The following HTR7 variants were observed in gnomAD, a reference collection of about 807,000 sequenced individuals.
HTR7 encodes 5-HT-7.
HTR7 carries 16 observed loss-of-function variants against 34.0 expected under a neutral mutation model. The observed-to-expected ratio is 0.47, with a 90% confidence interval of 0.32 to 0.71. The LOEUF is 0.71. Among genes scored for constraint, HTR7 ranks in the 30% least tolerant of loss-of-function variants. The pLI is 0.04. For synonymous variants in HTR7, 265 were observed against 260.2 expected, an observed-to-expected ratio of 1.02 and a Z score of -0.18; for missense variants, 504 against 625.5, an observed-to-expected ratio of 0.81 and a Z score of 2.07.
chr10:90,775,066 A>C (rs1845184826), intron 1 of HTR7, among the ~76,000 whole-genome samples: 2 of 152,226 alleles, frequency 1.3e-5, no homozygotes, highest in South Asian at 2.1e-4. Context: ...GAAGAAAATT[A>C]AAGTTACCCA....
At chr10:90,853,207 A>G (rs1312511357) in intron 1 of HTR7, among the ~76,000 whole-genome samples, 1 of 151,940 alleles carries the variant, frequency 6.6e-6, no homozygotes, top group Non-Finnish European at 1.5e-5. Context: ...TCTTTCTACA[A>G]GCTTCCCTAA....
At chr10:90,808,938 G>A (rs185650479) in intron 1 of HTR7, among the ~76,000 whole-genome samples, 2 of 152,240 alleles carry the variant, frequency 1.3e-5, no homozygotes, top group Admixed American at 6.5e-5. Context: ...GGTCTGAGGT[G>A]CCTGACGTCC....
intron 1 of HTR7, among the ~76,000 whole-genome samples, chr10:90,751,981 C>A (rs981015610): frequency 6.6e-6 from 1 of 152,158 alleles, no homozygotes; most frequent in Non-Finnish European, 1.5e-5. Flanking sequence ...CATTCTAGTA[C>A]ACTTAGGCTG....
intron 1 of HTR7, among the ~76,000 whole-genome samples, chr10:90,852,334 T>G (rs1846514354): frequency 6.6e-6 from 1 of 152,132 alleles, no homozygotes; most frequent in Non-Finnish European, 1.5e-5. Flanking sequence ...GATAAACATG[T>G]AAGCAAAGAA....
chr10:90,831,663 G>A (rs546365197), intron 1 of HTR7, among the ~76,000 whole-genome samples: 178 of 152,144 alleles, frequency 1.2e-3, no homozygotes, highest in Non-Finnish European at 2.3e-3. Flanking sequence ...ACAGAGAGCC[G>A]ATTGGTCTGT....
At chr10:90,837,158 TAGA>T (rs1351623691) in intron 1 of HTR7, among the ~76,000 whole-genome samples, 1 of 152,222 alleles carries the variant, frequency 6.6e-6, no homozygotes, top group Non-Finnish European at 1.5e-5. Context: ...GCACGGCCTG[TAGA>T]AGATTAATCA....
chr10:90,771,820 G>T (rs1845118052), intron 1 of HTR7, among the ~76,000 whole-genome samples: 1 of 152,068 alleles, frequency 6.6e-6, no homozygotes, highest in African/African-American at 2.4e-5. Flanking sequence ...AAGAACAGCA[G>T]CCCCAAGCAA....
chr10:90,815,970 A>C (rs1845892992), intron 1 of HTR7, among the ~76,000 whole-genome samples: 1 of 152,204 alleles, frequency 6.6e-6, no homozygotes, highest in South Asian at 2.1e-4. Context: ...CATTAAGTGA[A>C]GCTATCCCTA....
At chr10:90,760,705 C>T (rs1192331323) in intron 1 of HTR7, among the ~76,000 whole-genome samples, 2 of 152,038 alleles carry the variant, frequency 1.3e-5, no homozygotes, top group African/African-American at 4.8e-5. Context: ...CATGGTGAAA[C>T]CCCATCTGTA....
At chr10:90,853,833 G>C (rs753677218) in intron 1 of HTR7, among the ~76,000 whole-genome samples, 4 of 152,146 alleles carry the variant, frequency 2.6e-5, no homozygotes, top group Admixed American at 6.5e-5. Flanking sequence ...GGAATAGCTC[G>C]GGGCTGGACA....
intron 1 of HTR7, among the ~76,000 whole-genome samples, chr10:90,759,211 A>AT (rs144849593): frequency 0.23 from 34,201 of 150,180 alleles, 4,222 homozygotes; most frequent in African/African-American, 0.31. Flanking sequence ...AAAAAGTGAA[A>AT]TAGCATTATG....
At chr10:90,744,009 T>C in intron 2 of HTR7, 2 of 498,164 alleles carry the variant, frequency 4.0e-6, no homozygotes, top group Non-Finnish European at 7.9e-6. Flanking sequence ...TCTTACAGGT[T>C]TGTACAGGAA....
chr10:90,845,385 A>G (rs954954917), intron 1 of HTR7, among the ~76,000 whole-genome samples: 11 of 152,208 alleles, frequency 7.2e-5, no homozygotes, highest in Admixed American at 6.5e-4. Flanking sequence ...ACAATGACGT[A>G]GTGAAATACG....
At chr10:90,796,961 G>A (rs1364583550) in intron 1 of HTR7, among the ~76,000 whole-genome samples, 7 of 150,466 alleles carry the variant, frequency 4.7e-5, no homozygotes, top group African/African-American at 7.3e-5. Flanking sequence ...GCAGTGAGCC[G>A]AGATCATGCC....
At chr10:90,769,142 G>A (rs1211315411) in intron 1 of HTR7, among the ~76,000 whole-genome samples, 1 of 152,194 alleles carries the variant, frequency 6.6e-6, no homozygotes, top group Non-Finnish European at 1.5e-5. Context: ...TTATTTGAAT[G>A]TAAACATTTT....
chr10:90,817,405 C>T (rs2119994233), intron 1 of HTR7, among the ~76,000 whole-genome samples: 1 of 152,342 alleles, frequency 6.6e-6, no homozygotes, highest in African/African-American at 2.4e-5. Context: ...CATGCTTTCA[C>T]CCCTCCCTAA....
chr10:90,821,487 G>A (rs10881834), intron 1 of HTR7, among the ~76,000 whole-genome samples: 24,525 of 152,210 alleles, frequency 0.16, 1,979 homozygotes, highest in African/African-American at 0.17. Flanking sequence ...GTTAGAACTT[G>A]AGTTCCAGCA....
chr10:90,759,748 T>A (rs189002962), intron 1 of HTR7, among the ~76,000 whole-genome samples: 66 of 151,512 alleles, frequency 4.4e-4, no homozygotes, highest in Middle Eastern at 3.5e-3. Context: ...ATGGGAATTA[T>A]ATTAGCATAA....
chr10:90,851,037 T>A (rs1846489873), intron 1 of HTR7, among the ~76,000 whole-genome samples: 1 of 151,730 alleles, frequency 6.6e-6, no homozygotes, highest in African/African-American at 2.4e-5. Flanking sequence ...CCAAACAGGG[T>A]TAACAGTAAA....
Sources: gnomAD v4.1 joint callset for allele counts (sites outside exome capture counted in the v4.1 genomes callset) on GRCh38, gnomAD v4.1.1 for gene constraint, MANE v1.5 for transcripts, NCBI Gene and HGNC (gene_info 2026-07-23, HGNC 2026-07-21) for gene names.